PLCG2: variants seen among roughly 807,000 people sequenced by gnomAD.
PLCG2 encodes the protein 1-phosphatidylinositol 4,5-bisphosphate phosphodiesterase gamma-2.
A neutral mutation model predicts 175.6 loss-of-function variants in PLCG2; 69 were observed. That is an observed-to-expected ratio of 0.39 (90% CI 0.32 to 0.48). PLCG2 has a LOEUF of 0.48. Among genes scored for constraint, PLCG2 ranks in the 20% least tolerant of loss-of-function variants. The pLI, the probability that PLCG2 is intolerant of heterozygous loss-of-function variation, is 0.91. For synonymous variants in PLCG2, 827 were observed against 624.0 expected (o/e 1.33, Z -4.85); for missense variants, 1,798 against 1,650.9 (o/e 1.09, Z -1.54).
chr16:81,947,209 C>A (rs1911186385), intron 31 of PLCG2, among the ~76,000 whole-genome samples: 1 of 152,160 alleles, frequency 6.6e-6, no homozygotes, highest in Admixed American at 6.5e-5. Context: ...TGTGTTGATG[C>A]AGATTTGACT....
At chr16:81,841,153 A>G (rs1341300142) in intron 2 of PLCG2, among the ~76,000 whole-genome samples, 1 of 152,158 alleles carries the variant, frequency 6.6e-6, no homozygotes, top group Non-Finnish European at 1.5e-5. Context: ...TATCTTTTTA[A>G]CAAAGAAGAT....
chr16:81,941,124 T>TG (rs1910922944), intron 30 of PLCG2, among the ~76,000 whole-genome samples: 1 of 152,254 alleles, frequency 6.6e-6, no homozygotes, highest in South Asian at 2.1e-4. Flanking sequence ...GGATCTTTTT[T>TG]GTTTTCAGAC....
chr16:81,782,137 A>C (rs577002707), intron 1 of PLCG2, among the ~76,000 whole-genome samples: 1 of 152,008 alleles, frequency 6.6e-6, no homozygotes. Flanking sequence ...CGGCCTCCCA[A>C]AGTGCTGGAA....
intron 12 of PLCG2, among the ~76,000 whole-genome samples, chr16:81,894,698 C>G (rs1283893368): frequency 6.6e-6 from 1 of 152,068 alleles, no homozygotes; most frequent in Non-Finnish European, 1.5e-5. Flanking sequence ...CATGGCGAAA[C>G]CCTTTCTCTA....
chr16:81,783,506 A>G (rs1280454757), intron 1 of PLCG2, among the ~76,000 whole-genome samples: 6 of 152,318 alleles, frequency 3.9e-5, no homozygotes, highest in African/African-American at 1.4e-4. Flanking sequence ...ATCTGGCCAG[A>G]TGCTGCCACA....
intron 31 of PLCG2, among the ~76,000 whole-genome samples, chr16:81,950,307 G>T (rs967717451): frequency 1.3e-5 from 2 of 152,114 alleles, no homozygotes; most frequent in African/African-American, 4.8e-5. Context: ...TAGAATTTAC[G>T]ATCAGAAGTA....
chr16:81,931,299 C>G (rs964099093), intron 24 of PLCG2, 198 bp from the exon 25 acceptor site: 11 of 460,014 alleles, frequency 2.4e-5, no homozygotes, highest in Non-Finnish European at 3.5e-5. Context: ...GAGGACCCTA[C>G]TGAATCTACT....
chr16:81,803,193 A>G (rs1340960116), intron 2 of PLCG2, among the ~76,000 whole-genome samples: 1 of 140,284 alleles, frequency 7.1e-6, no homozygotes. Flanking sequence ...ATCTCGGCTC[A>G]CTGCAAGCTC....
chr16:81,768,596 G>T (rs1018784894), intron 2 of PLCG2, among the ~76,000 whole-genome samples: 2 of 120,408 alleles, frequency 1.7e-5, no homozygotes, highest in Non-Finnish European at 3.2e-5. Context: ...ATGGAGTTTC[G>T]CTCTTGTTGC....
intron 14 of PLCG2, among the ~76,000 whole-genome samples, chr16:81,902,248 G>A (rs2143634930): frequency 6.6e-6 from 1 of 152,328 alleles, no homozygotes; most frequent in South Asian, 2.1e-4. Context: ...AGCTCATGGG[G>A]AAGGACAAAC....
intron 28 of PLCG2, 101 bp from the exon 29 acceptor site, chr16:81,938,700 T>C (rs527414199): frequency 2.4e-5 from 16 of 669,840 alleles, no homozygotes; most frequent in South Asian, 2.3e-4. Context: ...AGGGCTGGCA[T>C]TGAACTCATC....
chr16:81,936,062 A>G, intron 26 of PLCG2, 107 bp from the exon 27 acceptor site: 3 of 1,494,942 alleles, frequency 2.0e-6, no homozygotes, highest in Non-Finnish European at 1.8e-6. Context: ...AAAGAGGGAG[A>G]TTCCTGGTTT....
intron 19 of PLCG2, among the ~76,000 whole-genome samples, chr16:81,914,771 C>T (rs1235756496): frequency 6.6e-6 from 1 of 152,128 alleles, no homozygotes; most frequent in African/African-American, 2.4e-5. Flanking sequence ...GTAACATTGG[C>T]TGGGATGTAG....
intron 2 of PLCG2, among the ~76,000 whole-genome samples, chr16:81,763,225 G>A (rs754895268): frequency 1.3e-5 from 2 of 152,346 alleles, no homozygotes; most frequent in Middle Eastern, 6.8e-3. Flanking sequence ...AGATGATTCT[G>A]CTGTAGCCCA....
intron 13 of PLCG2, among the ~76,000 whole-genome samples, chr16:81,896,710 C>T (rs141740715): frequency 2.0e-5 from 3 of 152,332 alleles, no homozygotes; most frequent in African/African-American, 4.8e-5. Context: ...CAGGCGGAAT[C>T]CAAGCAGCCA....
rs115324027 is a variant in PLCG2 at position 81,765,959 on chromosome 16, G to T, written c.-48+9993G>T. ...CGGGGGACCCAGGTAACAGATGCAG[G>T]CATTTGCTGTGAGTCACAAGACACT... On this transcript the variant is annotated intron_variant, in intron 2 of 5. Coordinates refer to the PLCG2 transcript ENST00000565054. Among the ~76,000 whole-genome samples the T allele has an allele frequency of 3.9e-3, 596 of 152,330 alleles. 3 individuals carry two copies. The highest frequency in any genetic ancestry group is 0.014 in the African/African-American group (569 of 41,582).
At chr16:81,942,372 T>TTGGGAGATTAAA (rs1910978131) in intron 30 of PLCG2, among the ~76,000 whole-genome samples, 1 of 152,214 alleles carries the variant, frequency 6.6e-6, no homozygotes, top group African/African-American at 2.4e-5. Context: ...AAATGTGACC[T>TTGGGAGATTAAA]TCTCCTCCCC....
At chr16:81,838,991 G>T (rs1373150048) in intron 2 of PLCG2, among the ~76,000 whole-genome samples, 1 of 151,808 alleles carries the variant, frequency 6.6e-6, no homozygotes, top group Admixed American at 6.6e-5. Context: ...TCTCTTAAAG[G>T]CTTCTCATTT....
Position 81,875,163 on chromosome 16 carries a change from C to T in PLCG2, c.648+4228C>T, listed in dbSNP as rs192674217. ...ATTTTTAATTGAAACGGGGTTTCAC[C>T]GTGTTGGCCAGGCTAGTCTCGAACT... On this transcript the variant is annotated intron_variant, in intron 7 of 32. Transcript: ENST00000564138. Among the ~76,000 whole-genome samples the T allele has an allele frequency of 9.5e-3, 1,446 of 151,940 alleles. 11 individuals are homozygous for T. Among genetic ancestry groups the T allele is most frequent in the Middle Eastern group, 0.041 (12 of 294 alleles).
Sources: allele counts gnomAD v4.1 joint callset (sites outside exome capture counted in the v4.1 genomes callset), GRCh38; gene constraint gnomAD v4.1.1; transcripts MANE v1.5; gene names NCBI Gene and HGNC (gene_info 2026-07-23, HGNC 2026-07-21).